ACP4: variants seen among roughly 807,000 people sequenced by gnomAD.
ACP4 encodes testicular acid phosphatase.
In ACP4, 49 loss-of-function variants were observed where a neutral mutation model predicts 47.3. That is an observed-to-expected ratio of 1.04 (90% CI 0.82 to 1.32). The LOEUF (loss-of-function observed/expected upper bound fraction) is 1.32, where lower values mean the gene tolerates loss of function less well. Among genes scored for constraint, ACP4 ranks in the 40% most tolerant of loss-of-function variants. The pLI, the probability that ACP4 is intolerant of heterozygous loss-of-function variation, is 0.00. For missense variants in ACP4, 594 were observed against 579.3 expected (o/e 1.03, Z -0.26); for synonymous variants, 299 against 265.3 (o/e 1.13, Z -1.23).
chr19:50,793,465 A>C (rs2089526865), intron 6 of ACP4: 3 of 618,938 alleles, frequency 4.8e-6, no homozygotes, highest in Non-Finnish European at 8.1e-6. Flanking sequence ...CAGACAGCCA[A>C]GATTGCGCTA....
Position 50,793,771 on chromosome 19 carries a change from C to G in ACP4, c.733C>G (p.His245Asp). The G allele has an allele frequency of 6.2e-7, 1 of 1,613,860 alleles. No homozygotes were observed. Among genetic ancestry groups the G allele is most frequent in the Non-Finnish European group, 8.5e-7 (1 of 1,180,026 alleles). Residue 245 changes from histidine to aspartate, a missense_variant, in exon 7 of 11, where the codon CAC (histidine) becomes GAC (aspartate). By Grantham distance (81) the His-to-Asp change is moderately conservative. Coordinates refer to ENST00000270593, the MANE Select transcript of ACP4 (RefSeq NM_033068.3). ...GATCTCGGCTTTGGATATTGGAGCC[C>G]ACGTGGGCCCACCCCGGGCAGCAGA... is the stretch of plus-strand genomic sequence containing the variant. ...AQISALDIGA[H>D]VGPPRAAEKA... is the part of the protein sequence containing the mutation.
intron 6 of ACP4, 92 bp from the exon 7 acceptor site, chr19:50,793,592 G>T: frequency 6.5e-7 from 1 of 1,528,138 alleles, no homozygotes; most frequent in South Asian, 1.2e-5. Flanking sequence ...GGCCCATGGG[G>T]GGACTCAGAA....
rs1445606069 is a variant in ACP4 at position 50,790,492 on chromosome 19, C to T, written c.78C>T (p.Ala26=). The T allele has an allele frequency of 1.3e-6, 2 of 1,556,810 alleles. No homozygotes were observed. The highest frequency in any genetic ancestry group is 1.7e-6 in the Non-Finnish European group (2 of 1,153,074). Residue 26 remains alanine, a synonymous_variant, in exon 1 of 11, where the codon GCC becomes GCT. Transcript: ENST00000270593. Reference sequence around the variant, plus strand: ...TGCTGCTGGTGCTGCCACCCCGGGCCCTGCCAGAAGGACCCCTGGTGTTCG... The same window carrying T: ...TGCTGCTGGTGCTGCCACCCCGGGCTCTGCCAGAAGGACCCCTGGTGTTCG... ...LLLLLVLPPR[A]LPEGPLVFVA...
intron 3 of ACP4, 93 bp from the exon 4 acceptor site, chr19:50,791,563 C>G: frequency 6.6e-7 from 1 of 1,520,348 alleles, no homozygotes; most frequent in East Asian, 2.3e-5. Flanking sequence ...GACCCCTACT[C>G]CAAAGTGAAT....
intron 3 of ACP4, 87 bp from the exon 4 acceptor site, chr19:50,791,569 T>C (rs2089506567): frequency 1.3e-6 from 2 of 1,530,258 alleles, no homozygotes; most frequent in Non-Finnish European, 1.8e-6. Context: ...TACTCCAAAG[T>C]GAATCTGAGG....
At chr19:50,791,523 A>G in intron 3 of ACP4, 133 bp from the exon 4 acceptor site, 3 of 1,333,664 alleles carry the variant, frequency 2.2e-6, no homozygotes, top group Non-Finnish European at 2.1e-6. Context: ...CCAACTTCCA[A>G]CTTCGAAGGC....
Position 50,790,862 on chromosome 19 carries a change from T to C in ACP4, c.303+2T>C. Reference sequence around the variant, plus strand: ...AGTCCGGAGTACCGGCGGGAGGAGGTAGGGCCATAGTGACCCCCACCTGGC... The same window carrying C: ...AGTCCGGAGTACCGGCGGGAGGAGGCAGGGCCATAGTGACCCCCACCTGGC... On this transcript the variant is annotated splice_donor_variant, in intron 3 of 10. Transcript: ENST00000270593. LOFTEE classifies it high-confidence loss of function. 1 of 1,543,130 alleles carries C rather than the reference T, an allele frequency of 6.5e-7. No homozygotes were observed. The highest frequency in any genetic ancestry group is 8.7e-7 in the Non-Finnish European group (1 of 1,144,390).
chr19:50,790,887 C>T, intron 3 of ACP4, 27 bp downstream of exon 3: 1 of 1,532,038 alleles, frequency 6.5e-7, no homozygotes, highest in East Asian at 2.5e-5. Context: ...CCCCACCTGG[C>T]CCCCTGACCT....
At position 50,795,022 on chromosome 19, in the gene ACP4, C is replaced by G. The variant is rs375593444; in HGVS notation, c.1166-21C>G. On this transcript the variant is annotated intron_variant, in intron 10 of 10. Coordinates refer to ENST00000270593, the MANE Select transcript of ACP4 (RefSeq NM_033068.3). Reference sequence around the variant, plus strand: ...GGGTTGCCAAGTCCTGGCACTCACCCCCCGCGTGTTCTCCCTGCAGCTCCA... The same window carrying G: ...GGGTTGCCAAGTCCTGGCACTCACCGCCCGCGTGTTCTCCCTGCAGCTCCA... 211 of 1,612,760 alleles carry G rather than the reference C, an allele frequency of 1.3e-4. No individual in the cohort carries two copies. In the African/African-American group the frequency reaches 2.6e-3, roughly 20 times the overall value.
At chr19:50,794,604 G>A (rs1429215351) in intron 9 of ACP4, 23 bp downstream of exon 9, 3 of 1,613,884 alleles carry the variant, frequency 1.9e-6, no homozygotes, top group Non-Finnish European at 2.5e-6. Context: ...TGGTGCCCAG[G>A]GACATGGGTG....
intron 8 of ACP4, 34 bp downstream of exon 8, chr19:50,794,004 G>A (rs1385026589): frequency 6.2e-7 from 1 of 1,611,000 alleles, no homozygotes; most frequent in Non-Finnish European, 8.5e-7. Context: ...ACATGGCACT[G>A]AGGCACAGGG....
In ACP4 at chr19:50,792,103, C is replaced by T. The variant is rs766692700; in HGVS notation, c.481C>T (p.Arg161Ter). The change falls in exon 5 of 11, where the codon CGA (arginine) becomes TGA (stop). Residue 161 changes from arginine (R) to a stop codon, truncating the protein, a stop_gained. Transcript: ENST00000270593. LOFTEE classifies it high-confidence loss of function. ...LLRFPMRSCP[R>*]YHELLREATE... ...GAGGTTCCCCATGCGCAGCTGTCCC[C>T]GATACCACGAGCTGCTGCGGGAGGC... The T allele has an allele frequency of 6.2e-6, 10 of 1,600,360 alleles. No individual in the cohort carries two copies. The highest frequency in any genetic ancestry group is 1.7e-5 in the Admixed American group (1 of 57,786).
chr19:50,791,812 C>A lies in ACP4; in HGVS notation c.450+10C>A. On this transcript the variant is annotated intron_variant, in intron 4 of 10. Coordinates refer to ENST00000270593, the MANE Select transcript of ACP4 (RefSeq NM_033068.3). The stretch of plus-strand genomic sequence containing the variant: ...CGTGGCTGAGGATAAGGTCAGGGGG[C>A]TGGACCCACGTGTGGCGAGGGAGGG... The A allele has an allele frequency of 6.3e-7, 1 of 1,586,680 alleles. No homozygotes were observed.
At position 50,791,687 on chromosome 19, in the gene ACP4, C is replaced by T. The variant is rs760256055; in HGVS notation, c.335C>T (p.Thr112Met). Residue 112 changes from threonine (T) to methionine (M), a missense_variant, in exon 4 of 11, where the codon ACG becomes ATG. Transcript: ENST00000270593. The part of the protein sequence containing the change: ...VYIRSTDFDR[T>M]LESAQANLAG... ...ATCCGCAGCACGGACTTTGACCGCA[C>T]GCTGGAGAGTGCCCAGGCCAACCTT... 10 of 1,613,260 alleles carry T rather than the reference C, an allele frequency of 6.2e-6. No homozygotes were observed. Among genetic ancestry groups the T allele is most frequent in the South Asian group, 1.1e-5 (1 of 91,090 alleles).
chr19:50,792,003 T>C, intron 4 of ACP4, 70 bp from the exon 5 acceptor site: 2 of 1,493,366 alleles, frequency 1.3e-6, no homozygotes, highest in Non-Finnish European at 1.8e-6. Context: ...AGAGCCCGGG[T>C]TCCCCCGACC....
At chr19:50,794,097 C>A in intron 8 of ACP4, 127 bp downstream of exon 8, 1 of 1,102,466 alleles carries the variant, frequency 9.1e-7, no homozygotes, top group Non-Finnish European at 1.4e-6. Context: ...CCCGTATCTC[C>A]AAACCCTACT....
Position 50,794,564 on chromosome 19 carries a change from T to A in ACP4, c.969T>A (p.Asn323Lys), listed in dbSNP as rs145129660. The A allele has an allele frequency of 6.2e-6, 10 of 1,613,796 alleles. No individual in the cohort carries two copies. In the African/African-American group the frequency reaches 1.3e-4, roughly 22 times the overall value. Reference protein sequence around the residue: ...LGFEFRKHLGNPAKDGGNVTV... With the variant: ...LGFEFRKHLGKPAKDGGNVTV... The stretch of plus-strand genomic sequence containing the variant: ...TTGAGTTCCGGAAGCACCTGGGGAA[T>A]CCCGCCAAAGATGGAGGGTGAGAAT... Residue 323 changes from asparagine to lysine, a missense_variant, in exon 9 of 11, where the codon AAT becomes AAA. Asn to Lys is a moderately conservative substitution (Grantham distance 94). Transcript: ENST00000270593.
chr19:50,793,642 C>G (rs1205008441), intron 6 of ACP4, 42 bp from the exon 7 acceptor site: 1 of 1,599,582 alleles, frequency 6.3e-7, no homozygotes, highest in Non-Finnish European at 8.5e-7. Context: ...CAGAGGCAAA[C>G]TCGAGGGCTC....
intron 9 of ACP4, 66 bp from the exon 10 acceptor site, chr19:50,794,720 C>T: frequency 6.4e-7 from 1 of 1,572,412 alleles, no homozygotes; most frequent in Non-Finnish European, 8.6e-7. Flanking sequence ...AGTCAGAAGC[C>T]CTTTTCTCCA....
Sources: allele counts gnomAD v4.1 joint callset, GRCh38; gene constraint gnomAD v4.1.1; transcripts MANE v1.5; gene names NCBI Gene and HGNC (gene_info 2026-07-23, HGNC 2026-07-21).